Variants in SDK1 observed in about 807,000 individuals in gnomAD.
SDK1 encodes the protein protein sidekick-1.
In SDK1, 157 loss-of-function variants were observed where a neutral mutation model predicts 245.5. The ratio of observed to expected loss-of-function variants is 0.64; its 90% CI spans 0.56 to 0.73. SDK1 has a LOEUF of 0.73. SDK1 is among the 30% of genes least tolerant of loss of function. The pLI, the probability that SDK1 is intolerant of heterozygous loss-of-function variation, is 0.00. For synonymous variants in SDK1, 1,647 were observed against 1,278.5 expected (o/e 1.29, Z -6.15); for missense variants, 3,583 against 3,002.3 (o/e 1.19, Z -4.52).
chr7:3,637,723 C>T (rs1257754890), intron 2 of SDK1, among the ~76,000 whole-genome samples: 2 of 152,132 alleles, frequency 1.3e-5, no homozygotes, highest in African/African-American at 2.4e-5. Flanking sequence ...TGATTACTTA[C>T]AGTTACAGAA....
At chr7:4,135,864 T>C (rs748648635) in intron 28 of SDK1, among the ~76,000 whole-genome samples, 17 of 152,292 alleles carry the variant, frequency 1.1e-4, no homozygotes, top group East Asian at 3.9e-4. Flanking sequence ...TCCTAGACCA[T>C]TGGGGGCTCA....
rs1220626217 is a variant in SDK1 at position 4,265,388 on chromosome 7, A to G, written c.*4A>G. The G allele has an allele frequency of 7.0e-7, 1 of 1,428,324 alleles. No homozygotes were observed. Among genetic ancestry groups the G allele is most frequent in the African/African-American group, 1.5e-5 (1 of 67,034 alleles). 88.5% of individuals were successfully genotyped at this position (1,428,324 alleles called of 1,614,324 possible). A position where few individuals can be genotyped will look rare whatever the true frequency, so the allele number is the denominator to read the frequency against. Reference sequence around the variant, plus strand: ...CGGCTTCTCCTCCTTCGTGTGAGCAAAGCGCCGCGCCTCCCTCAGGGCGGA... The same window carrying G: ...CGGCTTCTCCTCCTTCGTGTGAGCAGAGCGCCGCGCCTCCCTCAGGGCGGA... On this transcript the variant is annotated 3_prime_UTR_variant, in exon 45 of 45. Transcript: ENST00000404826.
At chr7:3,492,442 C>T (rs1199423458) in intron 1 of SDK1, among the ~76,000 whole-genome samples, 2 of 152,254 alleles carry the variant, frequency 1.3e-5, no homozygotes, top group Non-Finnish European at 2.9e-5. Flanking sequence ...TGCGGTGAGC[C>T]GAGATCACGC....
intron 5 of SDK1, among the ~76,000 whole-genome samples, chr7:3,840,155 A>T (rs1450475958): frequency 6.6e-6 from 1 of 152,180 alleles, no homozygotes; most frequent in Non-Finnish European, 1.5e-5. Flanking sequence ...CAAAATTTTT[A>T]TGGAGTACCT....
At chr7:4,157,244 G>GGACA (rs1299023931) in intron 30 of SDK1, among the ~76,000 whole-genome samples, 41 of 148,046 alleles carry the variant, frequency 2.8e-4, no homozygotes, top group African/African-American at 8.9e-4. Flanking sequence ...TGGAGTAGCT[G>GGACA]GACGGACGGA....
chr7:4,052,511 G>T (rs1320238079), intron 19 of SDK1, among the ~76,000 whole-genome samples: 2 of 152,092 alleles, frequency 1.3e-5, no homozygotes, highest in East Asian at 3.9e-4. Flanking sequence ...TTTTGTAGTT[G>T]TTGAAAAAAC....
At chr7:3,335,025 C>A (rs542623401) in intron 1 of SDK1, among the ~76,000 whole-genome samples, 1 of 152,066 alleles carries the variant, frequency 6.6e-6, no homozygotes, top group African/African-American at 2.4e-5. Flanking sequence ...TTAGTAAATT[C>A]TGTTTTCTCT....
At chr7:3,592,561 G>T (rs574518191) in intron 1 of SDK1, among the ~76,000 whole-genome samples, 10 of 152,106 alleles carry the variant, frequency 6.6e-5, no homozygotes, top group South Asian at 6.2e-4. Context: ...CCCAGTGAAG[G>T]TTATTTATTT....
chr7:3,611,164 A>G (rs766587186), intron 1 of SDK1, among the ~76,000 whole-genome samples: 132 of 152,314 alleles, frequency 8.7e-4, no homozygotes, highest in Non-Finnish European at 1.5e-3. Context: ...TTTTAGATTG[A>G]CAGAAGATGA....
Position 3,455,853 on chromosome 7 carries a change from T to C in SDK1, c.298+153969T>C, listed in dbSNP as rs552644710. Reference sequence around the variant, plus strand: ...TTTGATAGGAATTGTGTTAAGCCAATAGATCAATTTGGCGAGGAGTTGACA... The same window carrying C: ...TTTGATAGGAATTGTGTTAAGCCAACAGATCAATTTGGCGAGGAGTTGACA... On this transcript the variant is annotated intron_variant, in intron 1 of 44. Coordinates refer to ENST00000404826, the MANE Select transcript of SDK1 (RefSeq NM_152744.4). Among the ~76,000 whole-genome samples, 83 of 152,346 alleles carry C rather than the reference T, an allele frequency of 5.4e-4. 1 individual carries two copies. The highest frequency in any genetic ancestry group is 1.9e-3 in the African/African-American group (78 of 41,590).
rs182327298 is a variant in SDK1 at position 4,264,449 on chromosome 7, G to A, written c.6382-675G>A. 1.5e-3 allele frequency among the ~76,000 whole-genome samples: 193 copies of A among 132,596 alleles called. 1 individual carries two copies. Among genetic ancestry groups the A allele is most frequent in the African/African-American group, 5.0e-3 (181 of 36,084 alleles). The allele number at this position is 132,596 out of a possible 152,430, so 87.0% of individuals were successfully genotyped here. On this transcript the variant is annotated intron_variant, in intron 44 of 44. Coordinates refer to ENST00000404826, the MANE Select transcript of SDK1 (RefSeq NM_152744.4). ...CCTCTCCTGGGGTAAGGAAGGCCGC[G>A]TGGACCTCTCCTGAGTGAGGGAGGC...
chr7:3,644,412 T>G (rs890577792), intron 4 of SDK1, among the ~76,000 whole-genome samples: 3 of 151,914 alleles, frequency 2.0e-5, no homozygotes, highest in Non-Finnish European at 4.4e-5. Context: ...GCCTCGAGTT[T>G]CGATGAAACA....
At chr7:4,189,323 C>A (rs1023095969) in intron 35 of SDK1, among the ~76,000 whole-genome samples, 16 of 152,122 alleles carry the variant, frequency 1.1e-4, no homozygotes, top group African/African-American at 2.2e-4. Context: ...CACCGCCAAT[C>A]GCAGCTCAAG....
chr7:4,102,182 G>C (rs951721368), intron 22 of SDK1, among the ~76,000 whole-genome samples: 3 of 149,396 alleles, frequency 2.0e-5, no homozygotes, highest in Admixed American at 2.0e-4. Context: ...TCTGCGATTT[G>C]TTTGAGGGAA....
chr7:4,234,894 GC>G (rs1786052314), intron 41 of SDK1, among the ~76,000 whole-genome samples: 1 of 152,204 alleles, frequency 6.6e-6, no homozygotes. Flanking sequence ...TCAGCCAGAA[GC>G]CCCAGGTAGG....
intron 1 of SDK1, among the ~76,000 whole-genome samples, chr7:3,616,364 C>A (rs1009896311): frequency 1.1e-4 from 17 of 152,244 alleles, no homozygotes; most frequent in African/African-American, 3.4e-4. Context: ...ACGTGTGGCC[C>A]TGCCTGCAAG....
rs139036431 is a variant in SDK1 at position 3,316,580 on chromosome 7, C to A, written c.298+14696C>A. ...TAAATTGGAGCATTATGTATATATG[C>A]TGTAGTGTAGTAGGCAACAATTGGG... On this transcript the variant is annotated intron_variant, in intron 1 of 44. Coordinates refer to ENST00000404826, the MANE Select transcript of SDK1 (RefSeq NM_152744.4). Among the ~76,000 whole-genome samples the A allele has an allele frequency of 7.2e-5, 11 of 152,262 alleles. No homozygotes were observed. In the East Asian group the frequency reaches 2.1e-3, roughly 29 times the overall value.
intron 5 of SDK1, among the ~76,000 whole-genome samples, chr7:3,858,987 C>A (rs1026527295): frequency 5.3e-5 from 8 of 151,036 alleles, no homozygotes; most frequent in African/African-American, 1.7e-4. Flanking sequence ...CTCAGCCTCC[C>A]GAGTAGCTGG....
intron 1 of SDK1, among the ~76,000 whole-genome samples, chr7:3,557,284 A>T (rs1204383588): frequency 2.6e-5 from 4 of 152,226 alleles, no homozygotes; most frequent in African/African-American, 9.6e-5. Flanking sequence ...TCCTAAAGCC[A>T]CTAAAGGACT....
Sources: allele counts gnomAD v4.1 joint callset (sites outside exome capture counted in the v4.1 genomes callset), GRCh38; gene constraint gnomAD v4.1.1; transcripts MANE v1.5; gene names NCBI Gene and HGNC (gene_info 2026-07-23, HGNC 2026-07-21).